The following SGCZ variants were observed in gnomAD, a reference collection of about 807,000 sequenced individuals.
The protein encoded by SGCZ is sarcoglycan zeta.
A neutral mutation model predicts 41.3 loss-of-function variants in SGCZ; 40 were observed. The ratio of observed to expected loss-of-function variants is 0.97; its 90% CI spans 0.75 to 1.26. The LOEUF (loss-of-function observed/expected upper bound fraction) is 1.26, where lower values mean the gene tolerates loss of function less well. Among genes scored for constraint, SGCZ ranks in the 50% most tolerant of loss-of-function variants. The pLI is 0.00. For missense variants in SGCZ, 552 were observed against 369.8 expected (o/e 1.49, Z -4.04); for synonymous variants, 206 against 137.5 (o/e 1.50, Z -3.49).
intron 2 of SGCZ, among the ~76,000 whole-genome samples, chr8:14,339,112 G>C (rs952871490): frequency 9.9e-5 from 15 of 151,906 alleles, no homozygotes; most frequent in African/African-American, 2.7e-4. Flanking sequence ...TTTTTCTCCA[G>C]AGTGTTCTAT....
chr8:14,180,757 C>T (rs1804695786), intron 4 of SGCZ, among the ~76,000 whole-genome samples: 1 of 151,986 alleles, frequency 6.6e-6, no homozygotes, highest in African/African-American at 2.4e-5. Context: ...TCTGAAACTC[C>T]AAGCCATGCT....
intron 1 of SGCZ, among the ~76,000 whole-genome samples, chr8:15,152,856 T>A (rs1422336675): frequency 6.6e-6 from 1 of 152,162 alleles, no homozygotes; most frequent in Non-Finnish European, 1.5e-5. Context: ...ATCTCCTGAC[T>A]GCTATAGTGA....
chr8:14,670,735 A>C (rs548872455), intron 1 of SGCZ, among the ~76,000 whole-genome samples: 19 of 152,234 alleles, frequency 1.2e-4, no homozygotes, highest in African/African-American at 4.6e-4. Flanking sequence ...ATTTATTTTC[A>C]GTACAACCCA....
chr8:14,874,725 C>G (rs983429033), intron 1 of SGCZ, among the ~76,000 whole-genome samples: 1 of 151,934 alleles, frequency 6.6e-6, no homozygotes, highest in African/African-American at 2.4e-5. Context: ...CTGAGTATTC[C>G]TCTCTAAAAG....
At chr8:14,483,096 C>G (rs1173699386) in intron 2 of SGCZ, among the ~76,000 whole-genome samples, 1 of 152,156 alleles carries the variant, frequency 6.6e-6, no homozygotes, top group Non-Finnish European at 1.5e-5. Context: ...CTTACCCACA[C>G]TTAAACATTG....
chr8:14,156,758 C>T (rs1430417442), intron 5 of SGCZ, among the ~76,000 whole-genome samples: 2 of 152,054 alleles, frequency 1.3e-5, no homozygotes, highest in East Asian at 3.9e-4. Context: ...ACCCGTAGCC[C>T]AGGTCTACAA....
chr8:14,276,852 C>T (rs111454393), intron 3 of SGCZ, among the ~76,000 whole-genome samples: 26 of 152,182 alleles, frequency 1.7e-4, no homozygotes, highest in African/African-American at 6.0e-4. Context: ...GGGTGGACAC[C>T]GAGTAAATAA....
chr8:14,847,517 A>G (rs1803170314), intron 1 of SGCZ, among the ~76,000 whole-genome samples: 1 of 151,778 alleles, frequency 6.6e-6, no homozygotes, highest in Non-Finnish European at 1.5e-5. Flanking sequence ...GTAAAAAAAA[A>G]GGAAATACAT....
chr8:14,371,734 G>A (rs1323214822), intron 2 of SGCZ, among the ~76,000 whole-genome samples: 7 of 152,178 alleles, frequency 4.6e-5, no homozygotes, highest in African/African-American at 1.7e-4. Flanking sequence ...GTTATGCACT[G>A]CCAACTATAA....
chr8:14,149,651 C>T (rs1377293258), intron 5 of SGCZ, among the ~76,000 whole-genome samples: 6 of 37,560 alleles, frequency 1.6e-4, no homozygotes, highest in African/African-American at 5.4e-4. Context: ...TGACTTTCTT[C>T]ATAGGAAAAA....
chr8:14,088,972 T>A lies in SGCZ; in HGVS notation c.*1471A>T, dbSNP rs934006393. ...GTGCATGAGGGAGAAAAACGTTTGATTGACATGTGAAAATTCAGGACTTAC... is the reference window on the plus strand; with the variant it reads ...GTGCATGAGGGAGAAAAACGTTTGAATGACATGTGAAAATTCAGGACTTAC... On this transcript the variant is annotated 3_prime_UTR_variant, in exon 8 of 8. Transcript: ENST00000382080. Among the ~76,000 whole-genome samples the A allele has an allele frequency of 6.6e-6, 1 of 151,916 alleles. No homozygotes were observed. Among genetic ancestry groups the A allele is most frequent in the African/African-American group, 2.4e-5 (1 of 41,408 alleles).
At chr8:14,590,160 A>T (rs903943654) in intron 1 of SGCZ, among the ~76,000 whole-genome samples, 1 of 152,170 alleles carries the variant, frequency 6.6e-6, no homozygotes, top group African/African-American at 2.4e-5. Context: ...ATCATTCAAA[A>T]ATATGCTATG....
At chr8:14,949,164 A>AG (rs1800549210) in intron 1 of SGCZ, among the ~76,000 whole-genome samples, 1 of 152,106 alleles carries the variant, frequency 6.6e-6, no homozygotes, top group African/African-American at 2.4e-5. Flanking sequence ...CAGTATATAT[A>AG]CTAAGTGTTT....
chr8:14,533,394 A>T (rs969168585), intron 2 of SGCZ, among the ~76,000 whole-genome samples: 6 of 152,016 alleles, frequency 3.9e-5, no homozygotes, highest in African/African-American at 1.4e-4. Context: ...GAAATCTTTT[A>T]TTTTAATTTT....
chr8:14,583,646 G>A (rs1266716354), intron 1 of SGCZ, among the ~76,000 whole-genome samples: 2 of 152,008 alleles, frequency 1.3e-5, no homozygotes, highest in African/African-American at 4.8e-5. Flanking sequence ...TAGGACTAAC[G>A]TTTAAGTCTT....
At chr8:15,004,941 A>G (rs534815722) in intron 1 of SGCZ, among the ~76,000 whole-genome samples, 1 of 152,226 alleles carries the variant, frequency 6.6e-6, no homozygotes, top group African/African-American at 2.4e-5. Context: ...CTGAATCAGC[A>G]TATCTGAGGT....
At chr8:14,250,448 C>A (rs1291350394) in intron 3 of SGCZ, among the ~76,000 whole-genome samples, 1 of 151,988 alleles carries the variant, frequency 6.6e-6, no homozygotes, top group Non-Finnish European at 1.5e-5. Context: ...CAGGCATAAC[C>A]ATACCTCCAT....
intron 1 of SGCZ, among the ~76,000 whole-genome samples, chr8:15,124,217 T>G (rs1339855062): frequency 6.6e-6 from 1 of 152,194 alleles, no homozygotes; most frequent in East Asian, 1.9e-4. Context: ...AGTGACAGCT[T>G]TGATTTCAAT....
At chr8:14,470,517 T>G (rs543440130) in intron 2 of SGCZ, among the ~76,000 whole-genome samples, 5 of 152,262 alleles carry the variant, frequency 3.3e-5, no homozygotes, top group South Asian at 2.1e-4. Context: ...AGAATTAAAG[T>G]TATTTAATTC....
Sources: gnomAD v4.1 joint callset for allele counts (sites outside exome capture counted in the v4.1 genomes callset) on GRCh38, gnomAD v4.1.1 for gene constraint, MANE v1.5 for transcripts, NCBI Gene and HGNC (gene_info 2026-07-23, HGNC 2026-07-21) for gene names.